Variants in THNSL1 observed in about 807,000 individuals in gnomAD.
The protein encoded by THNSL1 is threonine synthase-like 1.
In THNSL1, 48 loss-of-function variants were observed where a neutral mutation model predicts 50.4. That is an observed-to-expected ratio of 0.95 (90% CI 0.76 to 1.21). The LOEUF (loss-of-function observed/expected upper bound fraction) is 1.21, where lower values mean the gene tolerates loss of function less well. Ranked by LOEUF, THNSL1 falls within the 50% of genes most tolerant of loss-of-function variation. The pLI is 0.00. For missense variants in THNSL1, 896 were observed against 871.7 expected, an observed-to-expected ratio of 1.03 and a Z score of -0.35; for synonymous variants, 309 against 306.1, an observed-to-expected ratio of 1.01 and a Z score of -0.10.
At chr10:24,990,623 G>T in the THNSL1 span, 2 of 1,585,616 alleles carry the variant, frequency 1.3e-6, no homozygotes, top group Non-Finnish European at 8.5e-7. Flanking sequence ...AAAAGATTTT[G>T]CAGAAAAAAG....
rs975159475 is a variant in THNSL1 at position 25,026,591 on chromosome 10, T to C, written c.*1136T>C. ...TTTAATTTGTATTCCTTTGTAGTAA[T>C]ACATTTTAACCATGATTTATGTTTG... is the stretch of plus-strand genomic sequence containing the variant. On this transcript the variant is annotated 3_prime_UTR_variant, in exon 3 of 3. Transcript: ENST00000376356. 6.0e-6 allele frequency: 1 copy of C among 165,658 alleles called. No individual in the cohort carries two copies. Among genetic ancestry groups the C allele is most frequent in the Admixed American group, 6.5e-5 (1 of 15,292 alleles). The allele number at this position is 165,658 out of a possible 1,614,324, so 10.3% of individuals were successfully genotyped here. A position where few individuals can be genotyped will look rare whatever the true frequency, so the allele number is the denominator to read the frequency against.
chr10:24,975,641 C>T, the THNSL1 span, among the ~76,000 whole-genome samples: 1 of 152,142 alleles, frequency 6.6e-6, no homozygotes. Flanking sequence ...TTGTTTCCTA[C>T]ACACGCTCTC....
the THNSL1 span, chr10:24,984,195 G>T: frequency 4.7e-6 from 3 of 642,798 alleles, no homozygotes; most frequent in Non-Finnish European, 7.5e-6. Context: ...TACGAATACT[G>T]AAAATATTTC....
At chr10:24,952,567 C>A in the THNSL1 span, 16 of 1,591,314 alleles carry the variant, frequency 1.0e-5, no homozygotes, top group Admixed American at 2.8e-4. The surrounding 1 kb of genome is among the most constrained non-coding windows in gnomAD (Gnocchi z 5.1). Flanking sequence ...CCTCGCTGCT[C>A]CCGGCCATGT....
chr10:24,957,587 T>C, the THNSL1 span, among the ~76,000 whole-genome samples: 1 of 152,152 alleles, frequency 6.6e-6, no homozygotes, highest in Non-Finnish European at 1.5e-5. Context: ...TTCAGGTGAT[T>C]GTCCTGCCTC....
chr10:24,994,703 T>C, the THNSL1 span, among the ~76,000 whole-genome samples: 4 of 152,152 alleles, frequency 2.6e-5, no homozygotes, highest in East Asian at 7.7e-4. Context: ...TTAAATAAGA[T>C]TTTTTGTAAG....
the THNSL1 span, among the ~76,000 whole-genome samples, chr10:25,001,501 A>C: frequency 6.6e-6 from 1 of 151,692 alleles, no homozygotes; most frequent in African/African-American, 2.4e-5. Context: ...CTCTTCCATG[A>C]TTCTTTGACT....
the THNSL1 span, among the ~76,000 whole-genome samples, chr10:24,959,251 T>C: frequency 1.3e-5 from 2 of 152,234 alleles, no homozygotes; most frequent in African/African-American, 2.4e-5. Context: ...AGAATGGGAA[T>C]GGAGCTGTTT....
At chr10:25,008,806 C>T in the THNSL1 span, among the ~76,000 whole-genome samples, 10 of 152,136 alleles carry the variant, frequency 6.6e-5, no homozygotes, top group Non-Finnish European at 1.2e-4. Flanking sequence ...CACATGCACA[C>T]GTATGTTTAT....
At chr10:24,999,390 A>T in the THNSL1 span, 1 of 1,590,162 alleles carries the variant, frequency 6.3e-7, no homozygotes, top group Non-Finnish European at 8.5e-7. Context: ...ATAAAGCATG[A>T]TAAAACCTAC....
the THNSL1 span, among the ~76,000 whole-genome samples, chr10:24,980,766 G>C: frequency 9.9e-5 from 15 of 152,236 alleles, no homozygotes; most frequent in African/African-American, 3.6e-4. Context: ...ACCCAGGCTG[G>C]AGTGCAGTGG....
Position 25,025,070 on chromosome 10 carries a change from C to T in THNSL1, c.1847C>T (p.Ala616Val). ...GAGAAACTTCAGCAGGATTTTGTAGCTGACTGGTGCTCTGAGGGAGAGTGC... is the reference window on the plus strand; with the variant it reads ...GAGAAACTTCAGCAGGATTTTGTAGTTGACTGGTGCTCTGAGGGAGAGTGC... ...LVEKLQQDFVADWCSEGECLA... is the reference protein window; with the variant it reads ...LVEKLQQDFVVDWCSEGECLA... Residue 616 changes from alanine to valine, a missense_variant, in exon 3 of 3, where the codon GCT becomes GTT. Physicochemically the swap from Ala to Val is moderately conservative, Grantham distance 64. Transcript: ENST00000376356. 1 of 1,614,168 alleles carries T rather than the reference C, an allele frequency of 6.2e-7. No homozygotes were observed. The highest frequency in any genetic ancestry group is 8.5e-7 in the Non-Finnish European group (1 of 1,180,026).
Position 25,025,519 on chromosome 10 carries a change from T to A in THNSL1, c.*64T>A. The A allele has an allele frequency of 6.9e-7, 1 of 1,451,730 alleles. No homozygotes were observed. The highest frequency in any genetic ancestry group is 1.4e-5 in the South Asian group (1 of 73,544). 89.9% of individuals were successfully genotyped at this position (1,451,730 alleles called of 1,614,324 possible). On this transcript the variant is annotated 3_prime_UTR_variant, in exon 3 of 3. Coordinates refer to ENST00000376356, the MANE Select transcript of THNSL1 (RefSeq NM_024838.5). ...TGCAATAATAAATCTCAAACACTGA[T>A]TTGGAGTACAGTAGCATTTTGTCTT...
the THNSL1 span, among the ~76,000 whole-genome samples, chr10:24,965,898 G>C: frequency 4.6e-5 from 7 of 152,166 alleles, no homozygotes; most frequent in African/African-American, 1.7e-4. Flanking sequence ...CTGAAACCTG[G>C]TCTTGTTTCT....
the THNSL1 span, among the ~76,000 whole-genome samples, chr10:24,980,117 C>A: frequency 1.3e-5 from 2 of 152,210 alleles, no homozygotes; most frequent in African/African-American, 4.8e-5. Context: ...CTTCAGTCCA[C>A]GTAGCGAATG....
chr10:24,962,042 A>C, the THNSL1 span, among the ~76,000 whole-genome samples: 1 of 152,216 alleles, frequency 6.6e-6, no homozygotes, highest in Non-Finnish European at 1.5e-5. Flanking sequence ...TTAAAATAGA[A>C]TTATTGTAGT....
upstream of THNSL1, among the ~76,000 whole-genome samples, chr10:25,014,024 A>G (rs546672875): frequency 2.6e-5 from 4 of 152,346 alleles, no homozygotes; most frequent in African/African-American, 9.6e-5. Flanking sequence ...GAGTAACTCA[A>G]ATTTTGAAAA....
the THNSL1 span, chr10:24,952,591 C>A: frequency 5.4e-3 from 8,052 of 1,489,816 alleles, 470 homozygotes; most frequent in Admixed American, 0.12. This position sits in a 1 kb window ranked among gnomAD's most constrained non-coding sequence, Gnocchi z 5.1. Flanking sequence ...TCCCGGGGAA[C>A]GCGGGAAGGG....
chr10:24,982,309 G>C, the THNSL1 span: 3 of 152,212 alleles, frequency 2.0e-5, no homozygotes, highest in African/African-American at 7.2e-5. Flanking sequence ...AGGGAACCAT[G>C]TGTGCAGATC....
Sources: allele counts gnomAD v4.1 joint callset (sites outside exome capture counted in the v4.1 genomes callset), GRCh38; gene constraint gnomAD v4.1.1; non-coding constraint Gnocchi (gnomAD v3.1); transcripts MANE v1.5; gene names NCBI Gene and HGNC (gene_info 2026-07-23, HGNC 2026-07-21).